Variants in GPC5 observed in about 807,000 individuals in gnomAD.
GPC5 encodes glypican 5, also known as glypican-5.
A neutral mutation model predicts 53.9 loss-of-function variants in GPC5; 47 were observed. The observed-to-expected ratio is 0.87, with a 90% CI of 0.69 to 1.11. GPC5 has a LOEUF of 1.11. GPC5 is among the 50% of genes most tolerant of loss of function. The probability of loss-of-function intolerance (pLI) is 0.00; values close to 1 mark genes in which losing one functional copy is unlikely to be tolerated. For synonymous variants in GPC5, 286 were observed against 263.3 expected (o/e 1.09, Z -0.84); for missense variants, 748 against 713.1 (o/e 1.05, Z -0.56).
At chr13:91,730,383 C>T (rs186732838) in intron 4 of GPC5, among the ~76,000 whole-genome samples, 8 of 152,226 alleles carry the variant, frequency 5.3e-5, no homozygotes, top group Admixed American at 3.9e-4. Flanking sequence ...TTCTCGTGTG[C>T]CTTGTTCTTT....
chr13:91,995,606 A>G (rs1454938949), intron 6 of GPC5: 1 of 152,214 alleles, frequency 6.6e-6, no homozygotes, highest in Non-Finnish European at 1.5e-5. Flanking sequence ...AGCACTCAAA[A>G]TAATGCCTCG....
chr13:92,018,198 A>ACC (rs1470713478), intron 6 of GPC5, among the ~76,000 whole-genome samples: 1 of 152,144 alleles, frequency 6.6e-6, no homozygotes, highest in Non-Finnish European at 1.5e-5. Flanking sequence ...GTAGGCATTT[A>ACC]TTTTTTACAA....
At chr13:92,492,814 C>T (rs756954231) in intron 7 of GPC5, among the ~76,000 whole-genome samples, 2 of 152,108 alleles carry the variant, frequency 1.3e-5, no homozygotes, top group African/African-American at 2.4e-5. Context: ...AAATGCAATG[C>T]CTAGTAATCT....
chr13:92,641,672 ATTTTCTGTTCCT>A (rs1048286298), intron 7 of GPC5, among the ~76,000 whole-genome samples: 3 of 151,930 alleles, frequency 2.0e-5, no homozygotes, highest in Admixed American at 1.3e-4. Context: ...TTTGACTCAT[ATTTTCTGTTCCT>A]ACAGTAGCTT....
intron 6 of GPC5, among the ~76,000 whole-genome samples, chr13:92,026,862 C>T (rs920124490): frequency 1.3e-5 from 2 of 152,132 alleles, no homozygotes; most frequent in Admixed American, 1.3e-4. Context: ...TGTTTCAAAA[C>T]TATGAGTCTA....
chr13:91,603,939 G>T lies in GPC5; in HGVS notation c.326-89248G>T, dbSNP rs535420022. 1.2e-4 allele frequency among the ~76,000 whole-genome samples: 18 copies of T among 145,626 alleles called. No individual in the cohort carries two copies. In the East Asian group the frequency reaches 3.2e-3, roughly 26 times the overall value. ...TCTAGTAGTATTTTTTTTTCCTGCT[G>T]TTCTTACTAGTTTTTTTTTTTATTA... On this transcript the variant is annotated intron_variant, in intron 2 of 7. Coordinates refer to ENST00000377067, the MANE Select transcript of GPC5 (RefSeq NM_004466.6).
chr13:91,557,724 A>C (rs1205452034), intron 2 of GPC5, among the ~76,000 whole-genome samples: 2 of 152,156 alleles, frequency 1.3e-5, no homozygotes, highest in Non-Finnish European at 2.9e-5. Context: ...TTGAACAAGT[A>C]CGTGGTTATT....
chr13:91,582,073 A>G (rs550613348), intron 2 of GPC5, among the ~76,000 whole-genome samples: 39 of 152,262 alleles, frequency 2.6e-4, no homozygotes, highest in African/African-American at 8.9e-4. Context: ...CTTGGTGTAG[A>G]CAAAATGTCT....
At chr13:92,172,914 G>T (rs1388404587) in intron 7 of GPC5, among the ~76,000 whole-genome samples, 2 of 150,344 alleles carry the variant, frequency 1.3e-5, no homozygotes, top group African/African-American at 2.4e-5. Context: ...TAGTTCTAGG[G>T]TTTTTTTAAT....
chr13:92,640,353 G>C (rs1885554449), intron 7 of GPC5, among the ~76,000 whole-genome samples: 1 of 151,922 alleles, frequency 6.6e-6, no homozygotes, highest in Non-Finnish European at 1.5e-5. Flanking sequence ...TCCACCTCCC[G>C]GGTTCACGCC....
chr13:92,327,995 C>G (rs976100842), intron 7 of GPC5, among the ~76,000 whole-genome samples: 3 of 152,112 alleles, frequency 2.0e-5, no homozygotes, highest in Non-Finnish European at 4.4e-5. Flanking sequence ...AGGCCTGATC[C>G]TCTTTGAAAT....
intron 3 of GPC5, among the ~76,000 whole-genome samples, chr13:91,715,718 G>GT (rs2139931501): frequency 7.1e-6 from 1 of 140,508 alleles, no homozygotes; most frequent in South Asian, 2.3e-4. Context: ...ATCATTTTCA[G>GT]TTTTTTGTTC....
intron 6 of GPC5, among the ~76,000 whole-genome samples, chr13:91,986,507 C>A (rs1308406509): frequency 6.6e-6 from 1 of 152,180 alleles, no homozygotes; most frequent in Non-Finnish European, 1.5e-5. Context: ...CCCAGCTTTA[C>A]ATTTTCATAT....
At chr13:91,962,827 G>A (rs113609198) in intron 6 of GPC5, among the ~76,000 whole-genome samples, 2,958 of 152,222 alleles carry the variant, frequency 0.019, 91 homozygotes, top group African/African-American at 0.067. Flanking sequence ...TATGGTAGAG[G>A]TCATATAATA....
chr13:92,624,845 G>C (rs1884995918), intron 7 of GPC5, among the ~76,000 whole-genome samples: 1 of 152,152 alleles, frequency 6.6e-6, no homozygotes, highest in Non-Finnish European at 1.5e-5. Context: ...GGCTTTCCAG[G>C]GCTTACTATG....
chr13:92,444,824 A>C (rs1206373395), intron 7 of GPC5, among the ~76,000 whole-genome samples: 1 of 152,002 alleles, frequency 6.6e-6, no homozygotes, highest in Non-Finnish European at 1.5e-5. Flanking sequence ...CTTCTAAGAC[A>C]AATTAAGAGG....
chr13:92,794,195 C>T (rs997861581), intron 7 of GPC5, among the ~76,000 whole-genome samples: 5 of 151,960 alleles, frequency 3.3e-5, no homozygotes, highest in African/African-American at 4.8e-5. Context: ...TTTATCAAGT[C>T]GGTTTCATCC....
intron 6 of GPC5, among the ~76,000 whole-genome samples, chr13:92,057,185 A>G (rs1337625130): frequency 6.6e-6 from 1 of 152,224 alleles, no homozygotes; most frequent in Admixed American, 6.5e-5. Context: ...CATAGAAGCC[A>G]TCTACCATGT....
intron 6 of GPC5, among the ~76,000 whole-genome samples, chr13:92,100,921 C>G (rs1277018320): frequency 6.6e-6 from 1 of 152,154 alleles, no homozygotes. Flanking sequence ...TCACATGTAT[C>G]ATATCTAGCT....
Sources: allele counts gnomAD v4.1 joint callset (sites outside exome capture counted in the v4.1 genomes callset), GRCh38; gene constraint gnomAD v4.1.1; transcripts MANE v1.5; gene names NCBI Gene and HGNC (gene_info 2026-07-23, HGNC 2026-07-21).